ZNF180: variants seen among roughly 807,000 people sequenced by gnomAD.
ZNF180 encodes the protein zinc finger protein 180, also known as zinc finger protein 180 (HHZ168).
Under a neutral mutation model 11.8 loss-of-function variants are expected in ZNF180, and 11 were observed. The observed-to-expected ratio is 0.93, with a 90% confidence interval of 0.59 to 1.55. The LOEUF is 1.55. Ranked by LOEUF, ZNF180 falls within the 40% of genes most tolerant of loss-of-function variation. The pLI, the probability that ZNF180 is intolerant of heterozygous loss-of-function variation, is 0.00. For missense variants in ZNF180, 773 were observed against 781.7 expected (o/e 0.99, Z 0.13); for synonymous variants, 287 against 257.7 (o/e 1.11, Z -1.09).
At chr19:44,487,049 T>C (rs1172065080) in intron 2 of ZNF180, among the ~76,000 whole-genome samples, 1 of 151,380 alleles carries the variant, frequency 6.6e-6, no homozygotes, top group Admixed American at 6.6e-5. Flanking sequence ...TCTCAAAAAA[T>C]AATAAATAAA....
intron 2 of ZNF180, among the ~76,000 whole-genome samples, chr19:44,492,691 C>T (rs1042494766): frequency 1.3e-5 from 2 of 152,174 alleles, no homozygotes; most frequent in Non-Finnish European, 2.9e-5. Context: ...ATTCCTTTCC[C>T]AATCTGAGGT....
At chr19:44,496,350 G>A (rs1970578380) in intron 2 of ZNF180, among the ~76,000 whole-genome samples, 1 of 152,038 alleles carries the variant, frequency 6.6e-6, no homozygotes, top group Non-Finnish European at 1.5e-5. Flanking sequence ...AAAGTGTACT[G>A]TACAAAAATA....
Position 44,500,301 on chromosome 19 carries a change from G to A in ZNF180, c.-70C>T. The A allele has an allele frequency of 1.2e-6, 2 of 1,605,788 alleles. No homozygotes were observed. Among genetic ancestry groups the A allele is most frequent in the Non-Finnish European group, 1.7e-6 (2 of 1,175,196 alleles). The stretch of plus-strand genomic sequence containing the variant: ...TGGGCGTCCGCTGGCCCGCAGCCCA[G>A]GCTGGGCCTGTCACCGCCTCAGTGC... On this transcript the variant is annotated 5_prime_UTR_variant, in exon 1 of 5. Coordinates refer to ENST00000592529, the MANE Select transcript of ZNF180 (RefSeq NM_001278509.3).
At position 44,500,406 on chromosome 19, in the gene ZNF180, A is replaced by G. The variant is rs1970722404; in HGVS notation, c.-175T>C. 3.8e-6 allele frequency: 3 copies of G among 790,608 alleles called. No homozygotes were observed. In the East Asian group the frequency reaches 7.8e-5, roughly 21 times the overall value. 49.0% of individuals were successfully genotyped at this position (790,608 alleles called of 1,614,324 possible). A position where few individuals can be genotyped will look rare whatever the true frequency, so the allele number is the denominator to read the frequency against. On this transcript the variant is annotated 5_prime_UTR_variant, in exon 1 of 5. Transcript: ENST00000592529. ...TCTGCAACACGGCCGACTCGGGTTA[A>G]GCTAGTTCGGTCCCCTCTCCTAGTC...
At chr19:44,499,657 T>C (rs1423219327) in intron 1 of ZNF180, among the ~76,000 whole-genome samples, 4 of 152,148 alleles carry the variant, frequency 2.6e-5, no homozygotes. Flanking sequence ...CCTGGGAGTT[T>C]GCTGCCCATG....
intron 4 of ZNF180, among the ~76,000 whole-genome samples, chr19:44,478,694 T>G (rs961299068): frequency 1.3e-5 from 2 of 152,326 alleles, no homozygotes; most frequent in Non-Finnish European, 2.9e-5. Flanking sequence ...CCCCACAAAT[T>G]TCTGTGATTC....
At chr19:44,498,709 C>T (rs1162591883) in intron 1 of ZNF180, among the ~76,000 whole-genome samples, 2 of 152,190 alleles carry the variant, frequency 1.3e-5, no homozygotes, top group Admixed American at 1.3e-4. Context: ...AGCTGCTCCC[C>T]CCCACACACC....
At chr19:44,483,609 T>C (rs550126448) in intron 3 of ZNF180, among the ~76,000 whole-genome samples, 1 of 152,350 alleles carries the variant, frequency 6.6e-6, no homozygotes, top group South Asian at 2.1e-4. Context: ...CATCTCTCCA[T>C]TCCAATTCCC....
chr19:44,476,525 T>C lies in ZNF180; in HGVS notation c.1875A>G (p.Gln625=), dbSNP rs1969877790. Reference sequence around the variant, plus strand: ...AGGGTTTCTCTCCAGTATGAGTTCTTTGATGCACAATAAGTCGAGCACTCA... The same window carrying C: ...AGGGTTTCTCTCCAGTATGAGTTCTCTGATGCACAATAAGTCGAGCACTCA... ...FSLSARLIVH[Q]RTHTGEKPFT... The change falls in exon 5 of 5, where the codon CAA becomes CAG. Residue 625 remains glutamine (Q), a synonymous_variant. Coordinates refer to ENST00000592529, the MANE Select transcript of ZNF180 (RefSeq NM_001278509.3). 1.2e-6 allele frequency: 2 copies of C among 1,614,060 alleles called. No homozygotes were observed. The highest frequency in any genetic ancestry group is 1.7e-6 in the Non-Finnish European group (2 of 1,179,984).
In ZNF180 at chr19:44,479,269, G is replaced by A. The variant is rs770386217; in HGVS notation, c.253+14C>T. The A allele has an allele frequency of 8.1e-6, 13 of 1,608,904 alleles. No individual in the cohort carries two copies. Among genetic ancestry groups the A allele is most frequent in the Non-Finnish European group, 1.1e-5 (13 of 1,178,386 alleles). On this transcript the variant is annotated intron_variant, in intron 4 of 4. Coordinates refer to ENST00000592529, the MANE Select transcript of ZNF180 (RefSeq NM_001278509.3). ...CAGTAGATGGATCTTCATTAAAGAG[G>A]AGTGTATTCTTACCCCAAGAGACTA...
At chr19:44,488,688 C>T (rs1366383465) in intron 2 of ZNF180, among the ~76,000 whole-genome samples, 4 of 152,058 alleles carry the variant, frequency 2.6e-5, no homozygotes, top group Non-Finnish European at 5.9e-5. Flanking sequence ...GCTGCCACCC[C>T]GTCTGGGAAG....
chr19:44,490,064 GGAAGGGAAAGAAAGA>G (rs1970403361), intron 2 of ZNF180, among the ~76,000 whole-genome samples: 1 of 119,128 alleles, frequency 8.4e-6, no homozygotes, highest in Non-Finnish European at 1.7e-5. Flanking sequence ...AAGAGGGAAA[GGAAGGGAAAGAAAGA>G]GGGAAGGGAA....
intron 4 of ZNF180, among the ~76,000 whole-genome samples, chr19:44,478,627 AG>A (rs1969996763): frequency 6.6e-6 from 1 of 152,254 alleles, no homozygotes; most frequent in African/African-American, 2.4e-5. Context: ...TGTGAACAAA[AG>A]AAAAGGAATG....
intron 2 of ZNF180, among the ~76,000 whole-genome samples, chr19:44,489,210 GCCCGGCCACCA>G (rs1970352565): frequency 1.8e-4 from 9 of 50,758 alleles, no homozygotes; most frequent in Non-Finnish European, 4.6e-4. Flanking sequence ...GGGCGCCTCT[GCCCGGCCACCA>G]CCCCGTCTGG....
chr19:44,492,377 A>C (rs1229870634), intron 2 of ZNF180, among the ~76,000 whole-genome samples: 2 of 74,744 alleles, frequency 2.7e-5, no homozygotes, highest in Non-Finnish European at 4.9e-5. Context: ...GAGCATCTTT[A>C]AATTACCCTC....
chr19:44,477,266 T>G lies in ZNF180; in HGVS notation c.1134A>C (p.Gly378=), dbSNP rs530300120. The part of the protein sequence containing the change: ...HLVSHQRTHT[G]EKPYRCNQCG... ...ATTGATTACACCTGTAAGGTTTCTCTCCAGTATGAGTTCTCTGATGGGAAA... is the reference window on the plus strand; with the variant it reads ...ATTGATTACACCTGTAAGGTTTCTCGCCAGTATGAGTTCTCTGATGGGAAA... The change falls in exon 5 of 5, where the codon GGA becomes GGC. Residue 378 remains glycine, a synonymous_variant. Transcript: ENST00000592529. The G allele has an allele frequency of 8.1e-6, 13 of 1,613,976 alleles. No homozygotes were observed. Among genetic ancestry groups the G allele is most frequent in the Middle Eastern group, 1.6e-4 (1 of 6,084 alleles).
At chr19:44,499,813 C>T (rs893597256) in intron 1 of ZNF180, among the ~76,000 whole-genome samples, 3 of 152,156 alleles carry the variant, frequency 2.0e-5, no homozygotes, top group African/African-American at 7.2e-5. Context: ...GCCACCTGCT[C>T]GGAATCTTAC....
chr19:44,494,869 C>A (rs1413554728), intron 2 of ZNF180, among the ~76,000 whole-genome samples: 1 of 152,058 alleles, frequency 6.6e-6, no homozygotes, highest in Non-Finnish European at 1.5e-5. Flanking sequence ...AACAATAAAC[C>A]CATAAAACCT....
At position 44,477,514 on chromosome 19, in the gene ZNF180, G is replaced by A; in HGVS notation, c.886C>T (p.Pro296Ser). Reference sequence around the variant, plus strand: ...CATTTATATTGACTCTCTTCAAAAGGAATTCTCTGTTGTTCATTATGGGAT... The same window carrying A: ...CATTTATATTGACTCTCTTCAAAAGAAATTCTCTGTTGTTCATTATGGGAT... ...KISHNEQQRI[P>S]FEESQYKCSE... Residue 296 changes from proline to serine, a missense_variant, in exon 5 of 5, where the codon CCT (proline) becomes TCT (serine). By Grantham distance (74) the Pro-to-Ser change is moderately conservative. Coordinates refer to ENST00000592529, the MANE Select transcript of ZNF180 (RefSeq NM_001278509.3). The A allele has an allele frequency of 6.2e-7, 1 of 1,614,098 alleles. No homozygotes were observed. Among genetic ancestry groups the A allele is most frequent in the South Asian group, 1.1e-5 (1 of 91,070 alleles).
Sources: gnomAD v4.1 joint callset for allele counts (sites outside exome capture counted in the v4.1 genomes callset) on GRCh38, gnomAD v4.1.1 for gene constraint, MANE v1.5 for transcripts, NCBI Gene and HGNC (gene_info 2026-07-23, HGNC 2026-07-21) for gene names.